Variants in ABCA13 observed in about 807,000 individuals in gnomAD.
The protein encoded by ABCA13 is ATP binding cassette subfamily A member 13, also known as ATP-binding cassette sub-family A member 13.
In ABCA13, 476 loss-of-function variants were observed where a neutral mutation model predicts 478.7. The observed-to-expected ratio is 0.99, with a 90% CI of 0.92 to 1.07. The LOEUF is 1.07. Ranked by LOEUF, ABCA13 falls within the 50% of genes least tolerant of loss-of-function variation. The pLI, the probability that ABCA13 is intolerant of heterozygous loss-of-function variation, is 0.00. For synonymous variants in ABCA13, 2,252 were observed against 2,158.9 expected, an observed-to-expected ratio of 1.04 and a Z score of -1.20; for missense variants, 6,060 against 5,910.6, an observed-to-expected ratio of 1.03 and a Z score of -0.83.
At chr7:48,481,310 A>G (rs917134438) in intron 46 of ABCA13, among the ~76,000 whole-genome samples, 156 bp downstream of exon 46, 1 of 152,234 alleles carries the variant, frequency 6.6e-6, no homozygotes, top group Non-Finnish European at 1.5e-5. Context: ...TCCTGTGTCC[A>G]TGTTTTTACA....
chr7:48,309,839 G>T, intron 23 of ABCA13, 108 bp from the exon 24 acceptor site: 1 of 1,302,810 alleles, frequency 7.7e-7, no homozygotes, highest in Non-Finnish European at 1.1e-6. Context: ...CCCGGGAGTT[G>T]GGAAATCCAC....
chr7:48,412,870 G>A (rs918912534), intron 41 of ABCA13, among the ~76,000 whole-genome samples: 4 of 151,174 alleles, frequency 2.6e-5, no homozygotes, highest in Non-Finnish European at 5.9e-5. Context: ...GGAGTGCAGT[G>A]GCGCTATCTC....
intron 55 of ABCA13, among the ~76,000 whole-genome samples, chr7:48,563,825 TGTGTGTG>T (rs775893957): frequency 0.067 from 10,123 of 150,676 alleles, 446 homozygotes; most frequent in African/African-American, 0.12. Flanking sequence ...TGTGTGTGTG[TGTGTGTG>T]TGTGTGTTTT....
chr7:48,303,247 T>C (rs559641288), intron 23 of ABCA13, among the ~76,000 whole-genome samples: 1 of 152,320 alleles, frequency 6.6e-6, no homozygotes, highest in African/African-American at 2.4e-5. Flanking sequence ...TAGACCTTTG[T>C]CAGATGCATA....
intron 59 of ABCA13, among the ~76,000 whole-genome samples, chr7:48,637,399 A>AC (rs1489045286): frequency 6.8e-6 from 1 of 147,718 alleles, no homozygotes; most frequent in Non-Finnish European, 1.5e-5. Flanking sequence ...AAAAAAAAAA[A>AC]AAAAAAACAG....
At chr7:48,300,139 T>C (rs1427512689) in intron 23 of ABCA13, among the ~76,000 whole-genome samples, 1 of 152,218 alleles carries the variant, frequency 6.6e-6, no homozygotes, top group East Asian at 1.9e-4. Context: ...CAGCACCATA[T>C]TATTTCTAGT....
intron 45 of ABCA13, among the ~76,000 whole-genome samples, chr7:48,474,031 G>T (rs1290569366): frequency 6.6e-6 from 1 of 151,930 alleles, no homozygotes; most frequent in African/African-American, 2.4e-5. Context: ...CCTTTGCAGT[G>T]ATCAGTTATC....
chr7:48,607,945 A>G (rs763044478), intron 58 of ABCA13, among the ~76,000 whole-genome samples: 2 of 152,064 alleles, frequency 1.3e-5, no homozygotes, highest in Non-Finnish European at 2.9e-5. Flanking sequence ...CAGCAATGCA[A>G]TCTCTGCTTA....
At chr7:48,339,705 G>A (rs191429985) in intron 29 of ABCA13, among the ~76,000 whole-genome samples, 297 of 152,292 alleles carry the variant, frequency 2.0e-3, no homozygotes, top group Non-Finnish European at 1.9e-3. Flanking sequence ...GATTCACATG[G>A]AATTTTGAGA....
chr7:48,227,316 CA>C lies in ABCA13; in HGVS notation c.524del (p.Gln175ArgfsTer29). The C allele has an allele frequency of 6.2e-7, 1 of 1,613,806 alleles. No homozygotes were observed. The highest frequency in any genetic ancestry group is 2.2e-5 in the East Asian group (1 of 44,864). Reference protein sequence around the residue: ...VILKLESLHQQPHIWDFLLLL... With the variant: ...VILKLESLHQXPHIWDFLLLL... Reference sequence around the variant, plus strand: ...ATTGAAACTGGAAAGCCTCCATCAGCAGCCTCATATCTGGGATTTTCTACTT... The same window carrying C: ...ATTGAAACTGGAAAGCCTCCATCAGCGCCTCATATCTGGGATTTTCTACTT... On this transcript the variant is annotated frameshift_variant, in exon 6 of 62. Transcript: ENST00000435803. LOFTEE classifies it high-confidence loss of function.
intron 39 of ABCA13, among the ~76,000 whole-genome samples, chr7:48,410,086 T>TC (rs1818791514): frequency 1.3e-5 from 1 of 78,252 alleles, no homozygotes; most frequent in African/African-American, 4.6e-5. Context: ...AGAGCAAGAC[T>TC]CCATCTCAAA....
intron 55 of ABCA13, among the ~76,000 whole-genome samples, chr7:48,579,392 G>A (rs1159424184): frequency 2.6e-5 from 4 of 152,190 alleles, no homozygotes; most frequent in Admixed American, 1.3e-4. Context: ...TATGTCATTG[G>A]AAAATTGCAA....
chr7:48,241,027 C>T lies in ABCA13; in HGVS notation c.1223C>T (p.Ser408Leu). ...TALLLLNDSL[S>L]ADGPKDNHTF... ...CTGCTCCTGCTGAATGACAGCTTGT[C>T]AGCAGATGGCCCAAAAGATAATCAT... The change falls in exon 10 of 62, where the codon TCA becomes TTA. Residue 408 changes from serine to leucine, a missense_variant. Transcript: ENST00000435803. 1 of 1,614,046 alleles carries T rather than the reference C, an allele frequency of 6.2e-7. No homozygotes were observed. The highest frequency in any genetic ancestry group is 1.7e-5 in the Admixed American group (1 of 60,030).
chr7:48,520,143 T>C lies in ABCA13; in HGVS notation c.13900T>C (p.Tyr4634His). The C allele has an allele frequency of 6.2e-7, 1 of 1,613,812 alleles. No homozygotes were observed. Among genetic ancestry groups the C allele is most frequent in the East Asian group, 2.2e-5 (1 of 44,804 alleles). The change falls in exon 53 of 62, where the codon TAT becomes CAT. Residue 4634 changes from tyrosine (Y) to histidine (H), a missense_variant. Tyr to His is a moderately conservative substitution (Grantham distance 83, BLOSUM62 2). Coordinates refer to ENST00000435803, the MANE Select transcript of ABCA13 (RefSeq NM_152701.5). ...AGAACTCTGCTATAATCAGATCAAATATGACCTGACCCACAACTTCGGCAT... is the reference window on the plus strand; with the variant it reads ...AGAACTCTGCTATAATCAGATCAAACATGACCTGACCCACAACTTCGGCAT... ...LVELCYNQIK[Y>H]DLTHNFGIDS... is the part of the protein sequence containing the mutation.
At chr7:48,231,070 C>G (rs1788998836) in intron 7 of ABCA13, among the ~76,000 whole-genome samples, 1 of 151,658 alleles carries the variant, frequency 6.6e-6, no homozygotes, top group African/African-American at 2.4e-5. Flanking sequence ...GTCTTAAAAC[C>G]TAGATGATGG....
rs1312512157 is a variant in ABCA13, at chr7:48,588,465, C to G, written c.14640+1177C>G. On this transcript the variant is annotated intron_variant, in intron 57 of 61. Coordinates refer to ENST00000435803, the MANE Select transcript of ABCA13 (RefSeq NM_152701.5). ...TAGCCATGACCTGCTCACTGCAGAC[C>G]CTGACATGCTTTTCTTTGATACATC... is the stretch of plus-strand genomic sequence containing the variant. 2.6e-5 allele frequency among the ~76,000 whole-genome samples: 4 copies of G among 152,268 alleles called. No homozygotes were observed. The South Asian group carries it at 8.3e-4, about 32-fold the overall frequency.
chr7:48,193,738 A>T (rs1444292563), intron 2 of ABCA13, among the ~76,000 whole-genome samples: 1 of 142,358 alleles, frequency 7.0e-6, no homozygotes, highest in Non-Finnish European at 1.6e-5. Flanking sequence ...GATGATAGTG[A>T]TGATGCTGGT....
rs909691668 is a variant in ABCA13 at position 48,376,462 on chromosome 7, A to G, written c.11225A>G (p.Tyr3742Cys). 33 of 1,613,738 alleles carry G rather than the reference A, an allele frequency of 2.0e-5. No homozygotes were observed. Among genetic ancestry groups the G allele is most frequent in the Non-Finnish European group, 2.6e-5 (31 of 1,179,816 alleles). Reference protein sequence around the residue: ...QETGIQWNNMYQALEQGGMTF... With the variant: ...QETGIQWNNMCQALEQGGMTF... ...CTAGGGATTCAATGGAATAATATGT[A>G]CCAGGCTCTGGAACAAGGGGGCATG... The change falls in exon 35 of 62, where the codon TAC becomes TGC. Residue 3742 changes from tyrosine (Y) to cysteine (C), a missense_variant. Tyr to Cys is a radical substitution (Grantham distance 194). Transcript: ENST00000435803.
intron 31 of ABCA13, among the ~76,000 whole-genome samples, chr7:48,354,282 C>G (rs1461312288): frequency 3.3e-5 from 5 of 152,050 alleles, no homozygotes. Context: ...ACAATTCCCT[C>G]TGCTCCGGTT....
Sources: gnomAD v4.1 joint callset for allele counts (sites outside exome capture counted in the v4.1 genomes callset) on GRCh38, gnomAD v4.1.1 for gene constraint, MANE v1.5 for transcripts, NCBI Gene and HGNC (gene_info 2026-07-23, HGNC 2026-07-21) for gene names.